HEATR5A: variants seen among roughly 807,000 people sequenced by gnomAD.
The protein encoded by HEATR5A is HEAT repeat containing 5A, also known as HEAT repeat-containing protein 5A.
A neutral mutation model predicts 218.8 loss-of-function variants in HEATR5A; 178 were observed. The observed-to-expected ratio is 0.81, with a 90% CI of 0.72 to 0.92. The LOEUF is 0.92. Among genes scored for constraint, HEATR5A ranks in the 40% least tolerant of loss-of-function variants. The pLI is 0.00. For synonymous variants in HEATR5A, 864 were observed against 871.6 expected (o/e 0.99, Z 0.15); for missense variants, 2,420 against 2,418.9 (o/e 1.00, Z -0.01).
intron 25 of HEATR5A, among the ~76,000 whole-genome samples, chr14:31,318,974 G>A (rs1333173567): frequency 6.6e-6 from 1 of 152,106 alleles, no homozygotes; most frequent in African/African-American, 2.4e-5. Flanking sequence ...GAATAAACCT[G>A]AGAATAAGTC....
At chr14:31,322,935 C>T (rs1020877516) in intron 24 of HEATR5A, among the ~76,000 whole-genome samples, 2 of 150,118 alleles carry the variant, frequency 1.3e-5, no homozygotes, top group Non-Finnish European at 3.0e-5. Flanking sequence ...AAAAATAATA[C>T]AGTTAAACAG....
At chr14:31,392,490 G>C (rs970562274) in intron 6 of HEATR5A, among the ~76,000 whole-genome samples, 1 of 152,048 alleles carries the variant, frequency 6.6e-6, no homozygotes, top group Non-Finnish European at 1.5e-5. Context: ...ACTGTCTTGT[G>C]ATCTTATCCA....
At chr14:31,402,734 C>A in intron 2 of HEATR5A, 116 bp downstream of exon 2, 1 of 931,120 alleles carries the variant, frequency 1.1e-6, no homozygotes, top group African/African-American at 1.7e-5. Context: ...TAAGTTTTAA[C>A]AAAGTCTAAC....
chr14:31,352,317 G>C (rs1349348837), intron 16 of HEATR5A, among the ~76,000 whole-genome samples: 1 of 152,126 alleles, frequency 6.6e-6, no homozygotes, highest in African/African-American at 2.4e-5. Context: ...CATGTAGTAG[G>C]CAGTCAGGTG....
chr14:31,324,941 T>G (rs1334400416), intron 23 of HEATR5A, among the ~76,000 whole-genome samples: 1 of 152,122 alleles, frequency 6.6e-6, no homozygotes, highest in Non-Finnish European at 1.5e-5. Flanking sequence ...ATTCCAGGAA[T>G]TTGGTGTTAA....
chr14:31,306,201 G>C (rs1220355530), intron 31 of HEATR5A, among the ~76,000 whole-genome samples: 1 of 152,188 alleles, frequency 6.6e-6, no homozygotes, highest in East Asian at 1.9e-4. Flanking sequence ...TGCCAGGCTA[G>C]GCATGATGGC....
At chr14:31,359,393 A>G (rs904615496) in intron 14 of HEATR5A, among the ~76,000 whole-genome samples, 1 of 152,014 alleles carries the variant, frequency 6.6e-6, no homozygotes, top group Non-Finnish European at 1.5e-5. Flanking sequence ...ACAAAAGCAG[A>G]TATGTTTTTT....
chr14:31,316,345 G>T (rs1899911495), intron 26 of HEATR5A, among the ~76,000 whole-genome samples: 1 of 151,836 alleles, frequency 6.6e-6, no homozygotes, highest in Non-Finnish European at 1.5e-5. Flanking sequence ...AATCTCCCTT[G>T]TGAGTTCAGC....
chr14:31,402,727 G>A (rs1369128530), intron 2 of HEATR5A, 123 bp downstream of exon 2: 1 of 897,972 alleles, frequency 1.1e-6, no homozygotes, highest in Admixed American at 3.0e-5. Flanking sequence ...ACTTCATTAA[G>A]TTTTAACAAA....
chr14:31,402,692 G>A (rs1205713097), intron 2 of HEATR5A, among the ~76,000 whole-genome samples, 158 bp downstream of exon 2: 1 of 152,144 alleles, frequency 6.6e-6, no homozygotes, highest in Non-Finnish European at 1.5e-5. Flanking sequence ...TAAAAATTCT[G>A]ATGAGGGAAC....
chr14:31,326,465 T>C (rs1219383098), intron 22 of HEATR5A, 123 bp from the exon 23 acceptor site: 4 of 699,312 alleles, frequency 5.7e-6, no homozygotes, highest in Admixed American at 2.9e-5. Context: ...CTAGCCCAAA[T>C]ACTGTGCTTT....
intron 30 of HEATR5A, among the ~76,000 whole-genome samples, chr14:31,307,649 T>C (rs551287186): frequency 6.6e-6 from 1 of 152,260 alleles, no homozygotes; most frequent in Admixed American, 6.5e-5. Context: ...GACAATGCAA[T>C]ATAGAACCCT....
intron 1 of HEATR5A, among the ~76,000 whole-genome samples, chr14:31,409,642 G>GT (rs2031206694): frequency 6.6e-6 from 1 of 152,122 alleles, no homozygotes; most frequent in South Asian, 2.1e-4. Flanking sequence ...GGAGGCTGCA[G>GT]TGGGCCAAGA....
chr14:31,296,403 T>C (rs1029314475), intron 33 of HEATR5A: 1 of 208,674 alleles, frequency 4.8e-6, no homozygotes, highest in Non-Finnish European at 9.7e-6. Flanking sequence ...AGTACTCACA[T>C]TGATAGGGTT....
At chr14:31,395,110 T>A in intron 5 of HEATR5A, 89 bp downstream of exon 5, 1 of 818,706 alleles carries the variant, frequency 1.2e-6, no homozygotes, top group Non-Finnish European at 1.8e-6. Context: ...ACTACCAAGA[T>A]CATGTAGCTT....
intron 16 of HEATR5A, among the ~76,000 whole-genome samples, chr14:31,352,992 T>A (rs1595128196): frequency 1.2e-5 from 1 of 80,334 alleles, no homozygotes; most frequent in Non-Finnish European, 3.2e-5. Flanking sequence ...AAAAATAAAA[T>A]GTAATAAAAA....
intron 20 of HEATR5A, 41 bp downstream of exon 20, chr14:31,345,045 AT>A: frequency 6.6e-7 from 1 of 1,519,546 alleles, no homozygotes; most frequent in Non-Finnish European, 9.0e-7. Flanking sequence ...TTTTATGTGT[AT>A]TATTTTTAAT....
chr14:31,328,706 C>T (rs1170869916), intron 22 of HEATR5A, among the ~76,000 whole-genome samples: 1 of 151,926 alleles, frequency 6.6e-6, no homozygotes, highest in East Asian at 1.9e-4. Context: ...ATGGTGAAAC[C>T]CCATCTCACT....
At chr14:31,381,976 T>G (rs2030004292) in intron 10 of HEATR5A, among the ~76,000 whole-genome samples, 1 of 152,194 alleles carries the variant, frequency 6.6e-6, no homozygotes, top group Admixed American at 6.5e-5. Context: ...AGAAGGCTAG[T>G]GTATTTTAAA....
Sources: allele counts gnomAD v4.1 joint callset (sites outside exome capture counted in the v4.1 genomes callset), GRCh38; gene constraint gnomAD v4.1.1; transcripts MANE v1.5; gene names NCBI Gene and HGNC (gene_info 2026-07-23, HGNC 2026-07-21).